ADGRD1: variants seen among roughly 807,000 people sequenced by gnomAD.
ADGRD1 encodes G-protein coupled receptor 133.
In ADGRD1, 77 loss-of-function variants were observed where a neutral mutation model predicts 113.4. The ratio of observed to expected loss-of-function variants is 0.68; its 90% CI spans 0.57 to 0.82. ADGRD1 has a LOEUF of 0.82. ADGRD1 is among the 40% of genes least tolerant of loss of function. The pLI, the probability that ADGRD1 is intolerant of heterozygous loss-of-function variation, is 0.00. For synonymous variants in ADGRD1, 474 were observed against 475.0 expected (o/e 1.00, Z 0.03); for missense variants, 1,036 against 1,139.1 (o/e 0.91, Z 1.30).
chr12:131,000,222 A>G (rs1178046218), intron 8 of ADGRD1, among the ~76,000 whole-genome samples, 161 bp from the exon 9 acceptor site: 1 of 152,234 alleles, frequency 6.6e-6, no homozygotes, highest in African/African-American at 2.4e-5. Context: ...GCTTCGTAAC[A>G]TATCATGTGG....
intron 13 of ADGRD1, among the ~76,000 whole-genome samples, chr12:131,015,650 G>A (rs1878485132): frequency 6.6e-6 from 1 of 152,162 alleles, no homozygotes; most frequent in Non-Finnish European, 1.5e-5. Flanking sequence ...GAATGGAGAT[G>A]GAGAGGGGAT....
At chr12:131,087,862 A>C (rs1000528014) in intron 15 of ADGRD1, among the ~76,000 whole-genome samples, 3 of 152,238 alleles carry the variant, frequency 2.0e-5, no homozygotes, top group Admixed American at 2.0e-4. Context: ...AAAATTAAAC[A>C]GAGTAAATGA....
chr12:131,135,766 C>G (rs1951062754), intron 21 of ADGRD1, among the ~76,000 whole-genome samples: 1 of 152,230 alleles, frequency 6.6e-6, no homozygotes, highest in Non-Finnish European at 1.5e-5. Context: ...TGGACAGATT[C>G]TCCCTATGGC....
intron 11 of ADGRD1, among the ~76,000 whole-genome samples, chr12:131,004,859 G>A (rs941312544): frequency 6.6e-6 from 1 of 152,220 alleles, no homozygotes; most frequent in African/African-American, 2.4e-5. Context: ...TGGGAGCCCA[G>A]ATGGCCCTGG....
chr12:131,025,190 A>G (rs1239896065), intron 13 of ADGRD1, among the ~76,000 whole-genome samples: 1 of 152,256 alleles, frequency 6.6e-6, no homozygotes, highest in Non-Finnish European at 1.5e-5. Context: ...TTGAATAAGG[A>G]ATCCTGTCTT....
chr12:131,098,168 C>CGA (rs1949979826), intron 15 of ADGRD1, among the ~76,000 whole-genome samples: 1 of 146,584 alleles, frequency 6.8e-6, no homozygotes, highest in Non-Finnish European at 1.5e-5. Context: ...CTTCCTTCTC[C>CGA]CGCAGTGGCT....
rs11401802 is a variant in ADGRD1, at chr12:131,016,892, C to CAAA, written c.1473+2563_1473+2565dup. Among the ~76,000 whole-genome samples the CAAA allele has an allele frequency of 1.5e-4, 22 of 145,130 alleles. 1 individual carries two copies. Among genetic ancestry groups the CAAA allele is most frequent in the East Asian group, 4.0e-4 (2 of 4,956 alleles). On this transcript the variant is annotated intron_variant, in intron 13 of 24. Coordinates refer to ENST00000261654, the MANE Select transcript of ADGRD1 (RefSeq NM_198827.5). ...TGGGCGATAGAGTGAGACTCTGCCT[C>CAAA]AAAAAAAAAAAAAGTCTGTAAAGGC... is the stretch of plus-strand genomic sequence containing the variant.
intron 13 of ADGRD1, chr12:131,023,640 C>T (rs1879589560): frequency 6.6e-6 from 1 of 152,238 alleles, no homozygotes; most frequent in Non-Finnish European, 1.5e-5. Flanking sequence ...AGCTTCTCAG[C>T]TGCGCAGAGC....
rs1871687045 is a variant in ADGRD1 at position 130,971,721 on chromosome 12, CA to C, written c.310+142del. The C allele has an allele frequency of 1.2e-6, 1 of 851,910 alleles. No homozygotes were observed. Among genetic ancestry groups the C allele is most frequent in the Non-Finnish European group, 1.7e-6 (1 of 587,140 alleles). 52.8% of individuals were successfully genotyped at this position (851,910 alleles called of 1,614,324 possible). A position where few individuals can be genotyped will look rare whatever the true frequency, so the allele number is the denominator to read the frequency against. On this transcript the variant is annotated intron_variant, in intron 4 of 24. Transcript: ENST00000261654. The surrounding 1 kb of genome is among the most constrained non-coding windows in gnomAD (Gnocchi z 4.2). ...AGAATGTCAACGATGGATCGGAGGGCAGGGGAGGGAGGAATACAGGCAAGGA... is the reference window on the plus strand; with the variant it reads ...AGAATGTCAACGATGGATCGGAGGGCGGGGAGGGAGGAATACAGGCAAGGA...
At chr12:130,988,715 G>A (rs968914249) in intron 6 of ADGRD1, 1 of 152,308 alleles carries the variant, frequency 6.6e-6, no homozygotes, top group South Asian at 2.1e-4. Flanking sequence ...CAAGGTGGCT[G>A]TCATGCTTCT....
At chr12:130,974,255 T>C (rs1216848200) in intron 4 of ADGRD1, among the ~76,000 whole-genome samples, 3 of 152,182 alleles carry the variant, frequency 2.0e-5, no homozygotes, top group East Asian at 3.9e-4. Context: ...TTAAAGTCCC[T>C]GTAGCAGGAG....
At chr12:130,987,668 A>G (rs1873867293) in intron 6 of ADGRD1, 3 of 379,182 alleles carry the variant, frequency 7.9e-6, no homozygotes, top group Non-Finnish European at 9.8e-6. Context: ...TGATCAACAA[A>G]TGTTAGCCGT....
rs138163855 is a variant in ADGRD1, at chr12:131,014,294, A to G, written c.1427A>G (p.Asn476Ser). 4.3e-4 allele frequency: 699 copies of G among 1,613,946 alleles called. No individual in the cohort carries two copies. Among genetic ancestry groups the G allele is most frequent in the Non-Finnish European group, 5.4e-4 (643 of 1,179,988 alleles). ...EVSPPPTLSQ[N>S]LSGSPLITVH... ...TCCCCACCACCCACCCTGTCTCAGAACCTGTCGGGCTCTCCACTCATTACG... is the reference window on the plus strand; with the variant it reads ...TCCCCACCACCCACCCTGTCTCAGAGCCTGTCGGGCTCTCCACTCATTACG... Residue 476 changes from asparagine (N) to serine (S), a missense_variant, in exon 13 of 25, where the codon AAC becomes AGC. By Grantham distance (46) the Asn-to-Ser change is conservative. Transcript: ENST00000261654.
chr12:131,083,581 T>C (rs1474887996), intron 14 of ADGRD1, among the ~76,000 whole-genome samples: 1 of 152,150 alleles, frequency 6.6e-6, no homozygotes, highest in Non-Finnish European at 1.5e-5. Context: ...TACTCCAGCC[T>C]GCGAAACAGA....
At chr12:131,105,078 G>C in intron 16 of ADGRD1, 144 bp downstream of exon 16, 1 of 634,302 alleles carries the variant, frequency 1.6e-6, no homozygotes, top group Non-Finnish European at 2.7e-6. Flanking sequence ...AAGGCCCCCA[G>C]CCCAGGCACA....
chr12:131,017,665 T>C (rs1452138076), intron 13 of ADGRD1, among the ~76,000 whole-genome samples: 3 of 111,734 alleles, frequency 2.7e-5, no homozygotes, highest in African/African-American at 1.1e-4. Flanking sequence ...CCAACACAGA[T>C]ACACCAACAC....
rs1883931217 is a variant in ADGRD1 at position 131,057,122 on chromosome 12, G to A, written c.1474-19679G>A. On this transcript the variant is annotated intron_variant, in intron 13 of 24. Transcript: ENST00000261654. This position sits in a 1 kb window ranked among gnomAD's most constrained non-coding sequence, Gnocchi z 4.2. ...ATGATTTTGTGGCAACGACTTGGGT[G>A]TAATTTTTGAAGTGGAGGAAATTGT... Among the ~76,000 whole-genome samples the A allele has an allele frequency of 6.6e-6, 1 of 152,208 alleles. No homozygotes were observed. Among genetic ancestry groups the A allele is most frequent in the South Asian group, 2.1e-4 (1 of 4,828 alleles).
intron 17 of ADGRD1, among the ~76,000 whole-genome samples, chr12:131,107,401 C>T (rs866312918): frequency 1.3e-5 from 2 of 150,940 alleles, no homozygotes; most frequent in East Asian, 2.0e-4. Context: ...GTGTCTAAAT[C>T]GCAGGGAAGG....
intron 13 of ADGRD1, among the ~76,000 whole-genome samples, chr12:131,029,961 A>T (rs765053463): frequency 2.7e-4 from 40 of 146,972 alleles, no homozygotes; most frequent in African/African-American, 6.9e-4. Context: ...TGACATTCCC[A>T]GGCTCTGGGG....
Sources: allele counts gnomAD v4.1 joint callset (sites outside exome capture counted in the v4.1 genomes callset), GRCh38; gene constraint gnomAD v4.1.1; non-coding constraint Gnocchi (gnomAD v3.1); transcripts MANE v1.5; gene names NCBI Gene and HGNC (gene_info 2026-07-23, HGNC 2026-07-21).